The following NAALADL2 variants were observed in gnomAD, a reference collection of about 807,000 sequenced individuals.
The protein encoded by NAALADL2 is N-acetylated alpha-linked acidic dipeptidase like 2.
NAALADL2 carries 76 observed loss-of-function variants against 87.2 expected under a neutral mutation model. The observed-to-expected ratio is 0.87, with a 90% CI of 0.72 to 1.05. The LOEUF is 1.05. Among genes scored for constraint, NAALADL2 ranks in the 50% least tolerant of loss-of-function variants. The probability of loss-of-function intolerance (pLI) is 0.00; values close to 1 mark genes in which losing one functional copy is unlikely to be tolerated. For missense variants in NAALADL2, 1,089 were observed against 945.8 expected, an observed-to-expected ratio of 1.15 and a Z score of -1.99; for synonymous variants, 354 against 331.0, an observed-to-expected ratio of 1.07 and a Z score of -0.75.
chr3:174,723,895 T>C (rs1731948803), intron 2 of NAALADL2, among the ~76,000 whole-genome samples: 1 of 151,882 alleles, frequency 6.6e-6, no homozygotes, highest in Non-Finnish European at 1.5e-5. Flanking sequence ...AAATTCAAGG[T>C]TTGGCCGCTA....
chr3:174,770,138 G>T (rs868841574), intron 3 of NAALADL2, among the ~76,000 whole-genome samples: 1 of 152,106 alleles, frequency 6.6e-6, no homozygotes, highest in Non-Finnish European at 1.5e-5. Context: ...AAACACACAT[G>T]CATGTACATG....
intron 1 of NAALADL2, among the ~76,000 whole-genome samples, chr3:174,996,949 A>G (rs1162820129): frequency 6.6e-6 from 1 of 151,510 alleles, no homozygotes; most frequent in Non-Finnish European, 1.5e-5. Flanking sequence ...AAGTTGCTCA[A>G]AAAGACATTT....
At chr3:175,538,723 T>C (rs999135785) in intron 9 of NAALADL2, among the ~76,000 whole-genome samples, 1 of 152,202 alleles carries the variant, frequency 6.6e-6, no homozygotes, top group Admixed American at 6.5e-5. Flanking sequence ...ACTTTTTAAC[T>C]CTGAAATATT....
At chr3:174,977,403 G>C (rs1037367853) in intron 1 of NAALADL2, among the ~76,000 whole-genome samples, 2 of 152,154 alleles carry the variant, frequency 1.3e-5, no homozygotes, top group African/African-American at 4.8e-5. Flanking sequence ...GCGATTACAG[G>C]CATGAGCCAC....
intron 1 of NAALADL2, among the ~76,000 whole-genome samples, chr3:174,946,559 CAAGT>C (rs1311635341): frequency 6.6e-6 from 1 of 152,124 alleles, no homozygotes; most frequent in Non-Finnish European, 1.5e-5. Flanking sequence ...GTTATAGTAT[CAAGT>C]AAGTTCTGAA....
At chr3:175,256,094 G>A (rs1749886641) in intron 3 of NAALADL2, among the ~76,000 whole-genome samples, 1 of 152,102 alleles carries the variant, frequency 6.6e-6, no homozygotes, top group Admixed American at 6.5e-5. Context: ...TTGTAAAATG[G>A]CTCATATTCC....
At chr3:174,820,011 T>C (rs1721247729) in intron 3 of NAALADL2, among the ~76,000 whole-genome samples, 1 of 152,144 alleles carries the variant, frequency 6.6e-6, no homozygotes, top group Admixed American at 6.5e-5. Flanking sequence ...GATCTAGTTA[T>C]AGGCAGCTTC....
chr3:174,590,886 GAA>G (rs113857875), intron 2 of NAALADL2, among the ~76,000 whole-genome samples: 1 of 145,246 alleles, frequency 6.9e-6, no homozygotes, highest in Non-Finnish European at 1.5e-5. Flanking sequence ...GAAATGAAAG[GAA>G]AAAAAAAAAC....
rs71312333 is a variant in NAALADL2, at chr3:175,570,635, C to A, written c.1654-5406C>A. ...GTGGCTTACACCTGTAGTCCCAGCA[C>A]TTTGGGAAGCCGAGGCGGGCGGATC... On this transcript the variant is annotated intron_variant, in intron 9 of 13. Transcript: ENST00000454872. 5.2e-3 allele frequency among the ~76,000 whole-genome samples: 788 copies of A among 152,112 alleles called. 5 individuals are homozygous for A. The highest frequency in any genetic ancestry group is 0.014 in the Middle Eastern group (4 of 294).
chr3:174,706,565 A>T (rs1730087198), intron 2 of NAALADL2, among the ~76,000 whole-genome samples: 1 of 152,076 alleles, frequency 6.6e-6, no homozygotes. Flanking sequence ...GATTGCAAAA[A>T]TTTTCTCCTA....
chr3:175,658,549 A>G (rs1424546809), intron 11 of NAALADL2, among the ~76,000 whole-genome samples: 2 of 152,178 alleles, frequency 1.3e-5, no homozygotes, highest in Non-Finnish European at 2.9e-5. Context: ...GCAACAGGGT[A>G]GAAATTGAAT....
chr3:175,158,435 A>G (rs184207399), intron 2 of NAALADL2, among the ~76,000 whole-genome samples: 52 of 152,002 alleles, frequency 3.4e-4, no homozygotes, highest in South Asian at 1.0e-3. Flanking sequence ...TTGATGATAC[A>G]GTGCATTTTT....
At chr3:175,622,354 CACTT>C (rs1376530840) in intron 10 of NAALADL2, among the ~76,000 whole-genome samples, 1 of 152,100 alleles carries the variant, frequency 6.6e-6, no homozygotes, top group African/African-American at 2.4e-5. Context: ...GCTCAACTAT[CACTT>C]AATTGATATA....
intron 4 of NAALADL2, among the ~76,000 whole-genome samples, chr3:175,294,308 C>A (rs1407088855): frequency 6.6e-6 from 1 of 152,040 alleles, no homozygotes; most frequent in Non-Finnish European, 1.5e-5. Context: ...GCTTGCCTGG[C>A]CAGCTATGGT....
chr3:175,575,669 T>TA (rs1014945716), intron 9 of NAALADL2, among the ~76,000 whole-genome samples: 12 of 152,124 alleles, frequency 7.9e-5, no homozygotes, highest in African/African-American at 2.7e-4. Flanking sequence ...AAACCTTAAT[T>TA]AAAAAAACAA....
chr3:174,825,112 A>T (rs1216281802), intron 3 of NAALADL2, among the ~76,000 whole-genome samples: 1 of 152,224 alleles, frequency 6.6e-6, no homozygotes, highest in Admixed American at 6.5e-5. Context: ...AAATAGAACC[A>T]GTAGGATATG....
chr3:175,224,073 G>A (rs1297551798), intron 2 of NAALADL2, among the ~76,000 whole-genome samples: 3 of 152,062 alleles, frequency 2.0e-5, no homozygotes, highest in African/African-American at 2.4e-5. Flanking sequence ...GAGAGTTGGC[G>A]GCTCTACAGC....
chr3:175,009,220 C>T (rs2108796787), intron 1 of NAALADL2, among the ~76,000 whole-genome samples: 1 of 152,178 alleles, frequency 6.6e-6, no homozygotes, highest in Admixed American at 6.6e-5. Flanking sequence ...TGCTGCTGGT[C>T]CACATTAATC....
chr3:174,956,017 G>A (rs955898227), intron 1 of NAALADL2, among the ~76,000 whole-genome samples: 4 of 151,970 alleles, frequency 2.6e-5, no homozygotes, highest in African/African-American at 9.7e-5. Context: ...TCAGTTTCTT[G>A]GAGATTATTG....
Sources: allele counts gnomAD v4.1 joint callset (sites outside exome capture counted in the v4.1 genomes callset), GRCh38; gene constraint gnomAD v4.1.1; transcripts MANE v1.5; gene names NCBI Gene and HGNC (gene_info 2026-07-23, HGNC 2026-07-21).